Variants in LAPTM4A observed in about 807,000 individuals in gnomAD.
LAPTM4A encodes the protein lysosomal-associated transmembrane protein 4A.
In LAPTM4A, 19 loss-of-function variants were observed where a neutral mutation model predicts 29.9. The observed-to-expected ratio is 0.64, with a 90% CI of 0.44 to 0.93. The LOEUF is 0.93. Among genes scored for constraint, LAPTM4A ranks in the 40% least tolerant of loss-of-function variants. The probability of loss-of-function intolerance (pLI) is 0.00; values close to 1 mark genes in which losing one functional copy is unlikely to be tolerated. For missense variants in LAPTM4A, 293 were observed against 288.5 expected (o/e 1.02, Z -0.11); for synonymous variants, 105 against 102.1 (o/e 1.03, Z -0.17).
Position 20,032,992 on chromosome 2 carries a change from C to G in LAPTM4A, c.*213G>C. The stretch of plus-strand genomic sequence containing the variant: ...TTTGCTCTTGCTTAACCTAGATTGT[C>G]TTCAAAAACTATTAAAATGTAAAAG... On this transcript the variant is annotated 3_prime_UTR_variant, in exon 7 of 7. Coordinates refer to ENST00000175091, the MANE Select transcript of LAPTM4A (RefSeq NM_014713.5). The G allele has an allele frequency of 1.8e-6, 1 of 545,420 alleles. No homozygotes were observed. The highest frequency in any genetic ancestry group is 3.1e-5 in the Admixed American group (1 of 31,842). The allele number at this position is 545,420 out of a possible 1,614,324, so 33.8% of individuals were successfully genotyped here.
In LAPTM4A at chr2:20,040,996, T is replaced by C. The variant is rs752387974; in HGVS notation, c.127A>G (p.Met43Val). 8.7e-6 allele frequency: 14 copies of C among 1,613,826 alleles called. No homozygotes were observed. The South Asian group carries it at 1.4e-4, about 16-fold the overall frequency. Reference protein sequence around the residue: ...GTWYMVVNLLMAILLTVEVTH... With the variant: ...GTWYMVVNLLVAILLTVEVTH... The stretch of plus-strand genomic sequence containing the variant: ...ACTTCCACAGTCAGCAAAATTGCCA[T>C]CAATAGGTTTACTACCTGGAAAAGA... Residue 43 changes from methionine (M) to valine (V), a missense_variant, in exon 2 of 7, where the codon ATG becomes GTG. Met to Val is a conservative substitution (Grantham distance 21). Coordinates refer to ENST00000175091, the MANE Select transcript of LAPTM4A (RefSeq NM_014713.5).
At chr2:20,046,865 A>G (rs1374069377) in intron 1 of LAPTM4A, among the ~76,000 whole-genome samples, 1 of 147,362 alleles carries the variant, frequency 6.8e-6, no homozygotes, top group Non-Finnish European at 1.5e-5. Flanking sequence ...CTCCTGGGCA[A>G]TCCACCTGCC....
chr2:20,034,201 G>C (rs1372770439), intron 6 of LAPTM4A, 116 bp downstream of exon 6: 1 of 756,982 alleles, frequency 1.3e-6, no homozygotes, highest in African/African-American at 1.7e-5. Context: ...AAAGTACCCA[G>C]GGTTCATGCC....
intron 1 of LAPTM4A, among the ~76,000 whole-genome samples, chr2:20,050,258 C>T (rs1674024314): frequency 6.6e-6 from 1 of 152,182 alleles, no homozygotes; most frequent in Non-Finnish European, 1.5e-5. Flanking sequence ...CAGTATCTGC[C>T]TCATTTAAGA....
intron 1 of LAPTM4A, among the ~76,000 whole-genome samples, chr2:20,042,822 G>A (rs1157448808): frequency 6.6e-6 from 1 of 152,192 alleles, no homozygotes; most frequent in African/African-American, 2.4e-5. Context: ...ATCTCACGTA[G>A]GATTGGAGTT....
Position 20,033,102 on chromosome 2 carries a change from A to C in LAPTM4A, c.*103T>G, listed in dbSNP as rs1673598785. ...AATAAATGCTTAAACAAAAGACAAC[A>C]TATTTTATATCAAACAAGTTTGAAG... is the stretch of plus-strand genomic sequence containing the variant. On this transcript the variant is annotated 3_prime_UTR_variant, in exon 7 of 7. Transcript: ENST00000175091. The C allele has an allele frequency of 4.3e-6, 4 of 924,940 alleles. No homozygotes were observed. Among genetic ancestry groups the C allele is most frequent in the South Asian group, 1.4e-5 (1 of 70,482 alleles). 57.3% of individuals were successfully genotyped at this position (924,940 alleles called of 1,614,324 possible).
At chr2:20,037,477 T>A in intron 3 of LAPTM4A, 39 bp from the exon 4 acceptor site, 2 of 1,603,772 alleles carry the variant, frequency 1.2e-6, no homozygotes, top group Non-Finnish European at 1.7e-6. Context: ...GTATCACATA[T>A]AGGAAATTAC....
Position 20,040,964 on chromosome 2 carries a change from A to G in LAPTM4A, c.159T>C (p.His53=). ...TGTTGACAGCTGGCATGGAGTTTGG[A>G]TGAGTCACTTCCACAGTCAGCAAAA... ...MAILLTVEVT[H]PNSMPAVNIQ... The change falls in exon 2 of 7, where the codon CAT becomes CAC. Residue 53 remains histidine, a synonymous_variant. Transcript: ENST00000175091. The G allele has an allele frequency of 6.2e-7, 1 of 1,613,666 alleles. No individual in the cohort carries two copies. The highest frequency in any genetic ancestry group is 8.5e-7 in the Non-Finnish European group (1 of 1,179,542).
intron 1 of LAPTM4A, among the ~76,000 whole-genome samples, chr2:20,046,620 TG>T (rs1448795052): frequency 2.0e-5 from 3 of 150,868 alleles, no homozygotes; most frequent in African/African-American, 7.3e-5. Flanking sequence ...CCCCTGTAGC[TG>T]GGACTACAGG....
At chr2:20,046,881 C>G (rs1673936632) in intron 1 of LAPTM4A, among the ~76,000 whole-genome samples, 1 of 148,528 alleles carries the variant, frequency 6.7e-6, no homozygotes, top group Non-Finnish European at 1.5e-5. Context: ...CTGCCTTGGC[C>G]TCCCAAAATG....
chr2:20,047,588 G>T (rs1297674041), intron 1 of LAPTM4A, among the ~76,000 whole-genome samples: 88 of 150,340 alleles, frequency 5.9e-4, no homozygotes, highest in African/African-American at 2.0e-3. Flanking sequence ...TACTCGGGAG[G>T]CTGAGGCAGG....
intron 1 of LAPTM4A, among the ~76,000 whole-genome samples, chr2:20,041,326 A>G (rs1220705395): frequency 6.6e-6 from 1 of 152,214 alleles, no homozygotes; most frequent in Admixed American, 6.5e-5. Flanking sequence ...TTATTCATAT[A>G]CCAATCTCAG....
rs1026837635 is a variant in LAPTM4A at position 20,040,911 on chromosome 2, T to A, written c.212A>T (p.Tyr71Phe). ...CATACCAGCCATTCTCTCAGACGAA[T>A]AGTAATTACCGATGACTTCATACTG... is the stretch of plus-strand genomic sequence containing the variant. ...NIQYEVIGNY[Y>F]SSERMADNAC... The change falls in exon 2 of 7, where the codon TAT becomes TTT. Residue 71 changes from tyrosine (Y) to phenylalanine (F), a missense_variant. Coordinates refer to ENST00000175091, the MANE Select transcript of LAPTM4A (RefSeq NM_014713.5). 1 of 1,613,708 alleles carries A rather than the reference T, an allele frequency of 6.2e-7. No homozygotes were observed. The highest frequency in any genetic ancestry group is 8.5e-7 in the Non-Finnish European group (1 of 1,179,730).
chr2:20,044,849 T>G (rs1250814564), intron 1 of LAPTM4A, among the ~76,000 whole-genome samples: 2 of 152,254 alleles, frequency 1.3e-5, no homozygotes, highest in African/African-American at 4.8e-5. Context: ...ATCACATCAT[T>G]TCATTAGAAC....
At chr2:20,034,831 T>C in intron 5 of LAPTM4A, 136 bp downstream of exon 5, 1 of 662,894 alleles carries the variant, frequency 1.5e-6, no homozygotes, top group Non-Finnish European at 2.7e-6. Context: ...AGAAGCTATC[T>C]CTGCTCATGT....
intron 6 of LAPTM4A, 146 bp downstream of exon 6, chr2:20,034,171 T>C (rs963891829): frequency 8.9e-6 from 6 of 671,378 alleles, no homozygotes; most frequent in Admixed American, 2.4e-5. Context: ...TTGAATCCTG[T>C]GGATTTTAAG....
At chr2:20,038,028 G>C (rs570294689) in intron 2 of LAPTM4A, among the ~76,000 whole-genome samples, 7 of 152,154 alleles carry the variant, frequency 4.6e-5, no homozygotes, top group African/African-American at 1.7e-4. Flanking sequence ...AAAATATGAA[G>C]AAATGACACA....
chr2:20,036,597 G>C (rs1207612396), intron 4 of LAPTM4A, among the ~76,000 whole-genome samples: 2 of 152,166 alleles, frequency 1.3e-5, no homozygotes, highest in East Asian at 3.9e-4. Context: ...AAATGGGCTA[G>C]GCAGGAAATC....
chr2:20,036,754 GC>G (rs756954785), intron 4 of LAPTM4A, among the ~76,000 whole-genome samples: 1 of 152,070 alleles, frequency 6.6e-6, no homozygotes. Context: ...AGTTTTCCCT[GC>G]CCCCCTCCAT....
Sources: allele counts gnomAD v4.1 joint callset (sites outside exome capture counted in the v4.1 genomes callset), GRCh38; gene constraint gnomAD v4.1.1; transcripts MANE v1.5; gene names NCBI Gene and HGNC (gene_info 2026-07-23, HGNC 2026-07-21).